The following KIF24 variants were observed in gnomAD, a reference collection of about 807,000 sequenced individuals.
KIF24 encodes kinesin-like protein KIF24.
KIF24 carries 81 observed loss-of-function variants against 118.9 expected under a neutral mutation model. That is an observed-to-expected ratio of 0.68 (90% CI 0.57 to 0.82). The LOEUF (loss-of-function observed/expected upper bound fraction) is 0.82. KIF24 is among the 40% of genes least tolerant of loss of function. KIF24 has a pLI of 0.00. For synonymous variants in KIF24, 599 were observed against 610.0 expected (o/e 0.98, Z 0.27); for missense variants, 1,560 against 1,661.6 (o/e 0.94, Z 1.06).
chr9:34,317,725 AT>A (rs1432431046), intron 1 of KIF24, among the ~76,000 whole-genome samples: 4 of 152,288 alleles, frequency 2.6e-5, no homozygotes, highest in African/African-American at 9.6e-5. Flanking sequence ...ACTGTGGGGT[AT>A]TGCAATGCTT....
intron 3 of KIF24, among the ~76,000 whole-genome samples, chr9:34,302,146 C>T (rs982536604): frequency 2.6e-5 from 4 of 151,390 alleles, no homozygotes; most frequent in African/African-American, 9.7e-5. Flanking sequence ...AGGCGCCTGC[C>T]ACCATGCCTG....
At chr9:34,331,862 A>G (rs1452154244), upstream of KIF24, among the ~76,000 whole-genome samples, 2 of 152,134 alleles carry the variant, frequency 1.3e-5, no homozygotes, top group Non-Finnish European at 2.9e-5. Flanking sequence ...CAGGCACTCA[A>G]ACCAAAGCCT....
rs778991801 is a variant in KIF24 at position 34,310,937 on chromosome 9, A to G, written c.410T>C (p.Leu137Pro). Residue 137 changes from leucine (L) to proline (P), a missense_variant, in exon 2 of 13, where the codon CTA (leucine) becomes CCA (proline). Leu to Pro is a moderately conservative substitution (Grantham distance 98). This residue lies in a region of KIF24 where 964 missense variants were observed against 988.0 expected (regional missense o/e 0.98). Coordinates refer to ENST00000402558, the MANE Select transcript of KIF24 (RefSeq NM_194313.4). ...NEQKSTYLKV[L>P]EHMLPDDSQY... ...GGAATCATCTGGTAGCATGTGTTCT[A>G]GCACTTTTAGGTAAGTGGACTTCTG... is the stretch of plus-strand genomic sequence containing the variant. 13 of 1,613,746 alleles carry G rather than the reference A, an allele frequency of 8.1e-6. 1 individual carries two copies. The South Asian group carries it at 1.4e-4, about 18-fold the overall frequency.
upstream of KIF24, among the ~76,000 whole-genome samples, chr9:34,332,845 T>G (rs767065510): frequency 6.6e-6 from 1 of 152,254 alleles, no homozygotes; most frequent in Non-Finnish European, 1.5e-5. Flanking sequence ...TCTTTCTTTT[T>G]TCTTCTCTTC....
At chr9:34,290,135 C>T (rs780437734) in intron 5 of KIF24, 39 bp downstream of exon 5, 16 of 1,424,974 alleles carry the variant, frequency 1.1e-5, no homozygotes, top group African/African-American at 4.2e-5. Flanking sequence ...CTTAAAATAG[C>T]GATGAACAGA....
chr9:34,260,758 G>A (rs1055815256), intron 9 of KIF24, among the ~76,000 whole-genome samples: 9 of 152,150 alleles, frequency 5.9e-5, no homozygotes, highest in African/African-American at 2.2e-4. Flanking sequence ...ATCACCTGAG[G>A]TCAGGAGTTC....
chr9:34,314,431 G>A (rs1032725272), intron 1 of KIF24, among the ~76,000 whole-genome samples: 3 of 152,084 alleles, frequency 2.0e-5, no homozygotes, highest in Non-Finnish European at 2.9e-5. Context: ...CTCCCAAAGC[G>A]CTGGGGTTAC....
rs536296786 is a variant in KIF24, at chr9:34,294,457, A to G, written c.911+2560T>C. Among the ~76,000 whole-genome samples the G allele has an allele frequency of 2.6e-5, 4 of 152,286 alleles. No homozygotes were observed. The South Asian group carries it at 8.3e-4, about 32-fold the overall frequency. ...CAGCTACTTGGGAGGCTGAGGCAGG[A>G]GAATCACTTGAACCCGGGAAGCAGA... On this transcript the variant is annotated intron_variant, in intron 4 of 12. Coordinates refer to ENST00000402558, the MANE Select transcript of KIF24 (RefSeq NM_194313.4).
chr9:34,252,993 T>C lies in KIF24; in HGVS notation c.*1387A>G, dbSNP rs186127620. 1.3e-5 allele frequency: 2 copies of C among 152,628 alleles called. No homozygotes were observed. The highest frequency in any genetic ancestry group is 1.3e-4 in the Admixed American group (2 of 15,312). 9.5% of individuals were successfully genotyped at this position (152,628 alleles called of 1,614,324 possible). A position where few individuals can be genotyped will look rare whatever the true frequency, so the allele number is the denominator to read the frequency against. On this transcript the variant is annotated 3_prime_UTR_variant, in exon 13 of 13. Coordinates refer to ENST00000402558, the MANE Select transcript of KIF24 (RefSeq NM_194313.4). ...GTCCTTGACCTTAATACTGTGCCAT[T>C]GTCCCACTTGAGCTTTTGGCTAGAC...
rs1836060401 is a variant in KIF24, at chr9:34,286,617, C to T, written c.1215G>A (p.Glu405=). 1.2e-6 allele frequency: 2 copies of T among 1,602,712 alleles called. No homozygotes were observed. The highest frequency in any genetic ancestry group is 8.5e-7 in the Non-Finnish European group (1 of 1,169,668). ...LQVDSVELLL[E]VILKGSKERS... Reference sequence around the variant, plus strand: ...TAATAAAGAAGGAAGAATTAATTACCTCTAAGAGGAGCTCCACACTGTCCA... The same window carrying T: ...TAATAAAGAAGGAAGAATTAATTACTTCTAAGAGGAGCTCCACACTGTCCA... The change falls in exon 6 of 13, where the codon GAG becomes GAA. Residue 405 remains glutamate (E), a splice_region_variant and synonymous_variant. Transcript: ENST00000402558.
chr9:34,283,483 T>A (rs1218955773), intron 6 of KIF24, among the ~76,000 whole-genome samples: 1 of 152,174 alleles, frequency 6.6e-6, no homozygotes. Context: ...AGGTGAATGT[T>A]ACGGTATATG....
chr9:34,329,065 AC>A (rs1176951630), intron 1 of KIF24, among the ~76,000 whole-genome samples, 40 bp downstream of exon 1: 6 of 152,220 alleles, frequency 3.9e-5, no homozygotes, highest in African/African-American at 7.2e-5. Context: ...ACGGTTCCGG[AC>A]CAGACCTACC....
intron 2 of KIF24, among the ~76,000 whole-genome samples, chr9:34,310,061 C>G (rs1349318184): frequency 6.6e-6 from 1 of 151,580 alleles, no homozygotes; most frequent in African/African-American, 2.4e-5. Flanking sequence ...CTCTTAGGGA[C>G]CTTATTTCAA....
At chr9:34,317,738 T>G (rs962158973) in intron 1 of KIF24, among the ~76,000 whole-genome samples, 1 of 152,202 alleles carries the variant, frequency 6.6e-6, no homozygotes, top group African/African-American at 2.4e-5. Context: ...GCAATGCTTG[T>G]GTTCATGTAA....
chr9:34,269,307 C>A lies in KIF24; in HGVS notation c.1393G>T (p.Asp465Tyr). 1 of 1,612,328 alleles carries A rather than the reference C, an allele frequency of 6.2e-7. No homozygotes were observed. Among genetic ancestry groups the A allele is most frequent in the Non-Finnish European group, 8.5e-7 (1 of 1,178,768 alleles). The change falls in exon 8 of 13, where the codon GAT becomes TAT. Residue 465 changes from aspartate (D) to tyrosine (Y), a missense_variant. Asp to Tyr is a radical substitution (Grantham distance 160). This residue lies in a region of KIF24 where 964 missense variants were observed against 988.0 expected (regional missense o/e 0.98). Coordinates refer to ENST00000402558, the MANE Select transcript of KIF24 (RefSeq NM_194313.4). ...GCACCTTCCATCTTTGTCTGTCTAT[C>A]TGAGTCCCTTGCATCTGCTGCTCTT... Reference protein sequence around the residue: ...SERAADARDSDRQTKMEGAEI... With the variant: ...SERAADARDSYRQTKMEGAEI...
chr9:34,287,131 G>A (rs1199966623), intron 5 of KIF24, among the ~76,000 whole-genome samples: 1 of 152,170 alleles, frequency 6.6e-6, no homozygotes, highest in Non-Finnish European at 1.5e-5. Context: ...TGGGAGCAGT[G>A]GAAGCCATTT....
intron 1 of KIF24, among the ~76,000 whole-genome samples, chr9:34,323,470 T>C (rs1837582750): frequency 6.6e-6 from 1 of 152,246 alleles, no homozygotes; most frequent in Non-Finnish European, 1.5e-5. Context: ...AGACATTTAA[T>C]TCTGAAAGAC....
chr9:34,301,992 T>C (rs1412259533), intron 3 of KIF24, among the ~76,000 whole-genome samples: 2 of 50,230 alleles, frequency 4.0e-5, no homozygotes, highest in East Asian at 8.9e-4. Context: ...TATGTATTTT[T>C]TTTTCTTTTT....
intron 1 of KIF24, among the ~76,000 whole-genome samples, chr9:34,321,900 C>T (rs1221709033): frequency 1.3e-5 from 2 of 152,128 alleles, no homozygotes; most frequent in African/African-American, 4.8e-5. Flanking sequence ...GCCACTGTGC[C>T]TGTCCTACAT....
Sources: gnomAD v4.1 joint callset for allele counts (sites outside exome capture counted in the v4.1 genomes callset) on GRCh38, gnomAD v4.1.1 for gene constraint, gnomAD v4.1.1 regional missense constraint, MANE v1.5 for transcripts, NCBI Gene and HGNC (gene_info 2026-07-23, HGNC 2026-07-21) for gene names.